Variants in AGMO observed in about 807,000 individuals in gnomAD.
The protein encoded by AGMO is alkylglycerol monooxygenase.
Under a neutral mutation model 60.2 loss-of-function variants are expected in AGMO, and 75 were observed. The ratio of observed to expected loss-of-function variants is 1.25; its 90% CI spans 1.03 to 1.51. The LOEUF is 1.51. AGMO is among the 40% of genes most tolerant of loss of function. The pLI is 0.00. For missense variants in AGMO, 763 were observed against 525.5 expected (o/e 1.45, Z -4.42); for synonymous variants, 261 against 177.1 (o/e 1.47, Z -3.76).
At chr7:15,382,438 G>A (rs1490668590) in intron 10 of AGMO, among the ~76,000 whole-genome samples, 1 of 152,150 alleles carries the variant, frequency 6.6e-6, no homozygotes, top group Non-Finnish European at 1.5e-5. Flanking sequence ...ATGACCTGAT[G>A]TTAGTTATGG....
chr7:15,535,922 A>T (rs1583660908), intron 3 of AGMO, among the ~76,000 whole-genome samples: 1 of 138,090 alleles, frequency 7.2e-6, no homozygotes, highest in South Asian at 2.1e-4. Context: ...AATCCTAGCA[A>T]TTAGGAGGCT....
At chr7:15,390,524 A>G (rs541494136) in intron 8 of AGMO, 147 bp downstream of exon 8, 5 of 514,684 alleles carry the variant, frequency 9.7e-6, no homozygotes, top group African/African-American at 2.0e-5. Flanking sequence ...CTTGTGTAAC[A>G]AAGAGTTATT....
intron 1 of AGMO, 59 bp downstream of exon 1, chr7:15,561,661 C>A: frequency 6.8e-7 from 1 of 1,478,690 alleles, no homozygotes; most frequent in South Asian, 1.4e-5. Flanking sequence ...GGAGATTGAC[C>A]TTACCATTTA....
chr7:15,393,333 T>G (rs1362863363), intron 6 of AGMO, among the ~76,000 whole-genome samples: 2 of 152,226 alleles, frequency 1.3e-5, no homozygotes, highest in Admixed American at 1.3e-4. Flanking sequence ...AGCATTTACT[T>G]ATGTATTCAT....
Position 15,229,928 on chromosome 7 carries a change from C to T in AGMO, c.1264-28569G>A, listed in dbSNP as rs887545757. On this transcript the variant is annotated intron_variant, in intron 12 of 12. Transcript: ENST00000342526. ...ATCTAATACTTTGTGATTGTGCCTC[C>T]GATTGTCATCTTGTAACTCCCAACA... 8.6e-5 allele frequency among the ~76,000 whole-genome samples: 13 copies of T among 151,318 alleles called. No homozygotes were observed. In the South Asian group the frequency reaches 1.2e-3, roughly 15 times the overall value.
the AGMO span, among the ~76,000 whole-genome samples, chr7:15,165,359 A>C: frequency 3.3e-5 from 5 of 152,164 alleles, no homozygotes; most frequent in Non-Finnish European, 5.9e-5. Flanking sequence ...ACATACCTGC[A>C]CATGTACTCC....
the AGMO span, among the ~76,000 whole-genome samples, chr7:15,193,409 C>T: frequency 6.6e-6 from 1 of 152,158 alleles, no homozygotes; most frequent in African/African-American, 2.4e-5. Flanking sequence ...ACCAAATTTA[C>T]AAGCTGTGAA....
chr7:15,386,570 C>T (rs776665324), intron 9 of AGMO, among the ~76,000 whole-genome samples: 4 of 152,206 alleles, frequency 2.6e-5, no homozygotes, highest in Admixed American at 6.5e-5. Flanking sequence ...TTATTCCTAG[C>T]GGCGTTGGTA....
chr7:15,530,688 G>A (rs1193202803), intron 3 of AGMO, among the ~76,000 whole-genome samples: 1 of 116,980 alleles, frequency 8.5e-6, no homozygotes, highest in Non-Finnish European at 1.8e-5. Context: ...TTCTATATAT[G>A]TATTTCTACA....
At chr7:15,298,914 A>C (rs1012112447) in intron 12 of AGMO, among the ~76,000 whole-genome samples, 1 of 152,090 alleles carries the variant, frequency 6.6e-6, no homozygotes, top group African/African-American at 2.4e-5. Context: ...TCTCGCTCAC[A>C]GTCAACTATT....
At chr7:15,385,853 C>T (rs1029363146) in intron 9 of AGMO, among the ~76,000 whole-genome samples, 2 of 152,084 alleles carry the variant, frequency 1.3e-5, no homozygotes, top group African/African-American at 2.4e-5. Context: ...GATATGTCCA[C>T]GATCACATCT....
chr7:15,533,972 T>A (rs1164564147), intron 3 of AGMO, among the ~76,000 whole-genome samples: 1 of 152,074 alleles, frequency 6.6e-6, no homozygotes, highest in African/African-American at 2.4e-5. Context: ...TTACCAAGAT[T>A]TGCAGATTTC....
chr7:15,402,428 ATCTT>A (rs1784575402), intron 5 of AGMO, among the ~76,000 whole-genome samples: 1 of 151,612 alleles, frequency 6.6e-6, no homozygotes, highest in Admixed American at 6.6e-5. Context: ...ATTTGGAAAG[ATCTT>A]TATAATTCAC....
In AGMO at chr7:15,404,843, C is replaced by T. The variant is rs145803707; in HGVS notation, c.610-10664G>A. 7.8e-4 allele frequency among the ~76,000 whole-genome samples: 119 copies of T among 151,960 alleles called. No individual in the cohort carries two copies. The East Asian group carries it at 0.02, about 25-fold the overall frequency. On this transcript the variant is annotated intron_variant, in intron 5 of 12. Transcript: ENST00000342526. The stretch of plus-strand genomic sequence containing the variant: ...GACTATGTGCCTGACATCATCTGAG[C>T]ATTAGATACTTTAGTAAACAAAGCA...
Position 15,387,545 on chromosome 7 carries a change from A to T in AGMO, c.823-5T>A. The stretch of plus-strand genomic sequence containing the variant: ...TATGGAAAATAAGTGATGGAACTAG[A>T]AACAATAAAAAAAGAGCTTATTTCA... On this transcript the variant is annotated splice_polypyrimidine_tract_variant and splice_region_variant and intron_variant, in intron 8 of 12. Transcript: ENST00000342526. The T allele has an allele frequency of 6.3e-7, 1 of 1,587,754 alleles. No homozygotes were observed.
At chr7:15,133,196 A>G in the AGMO span, among the ~76,000 whole-genome samples, 1 of 152,200 alleles carries the variant, frequency 6.6e-6, no homozygotes, top group South Asian at 2.1e-4. Context: ...GAGAGTGGGA[A>G]AGAGTATGCT....
chr7:15,411,755 T>G (rs983134772), intron 5 of AGMO, among the ~76,000 whole-genome samples: 2 of 152,088 alleles, frequency 1.3e-5, no homozygotes, highest in Non-Finnish European at 2.9e-5. Context: ...ACTAAACATG[T>G]TTCTCTACAA....
At chr7:15,271,989 C>T (rs1012224027) in intron 12 of AGMO, among the ~76,000 whole-genome samples, 1 of 152,024 alleles carries the variant, frequency 6.6e-6, no homozygotes, top group Non-Finnish European at 1.5e-5. Flanking sequence ...CATGGTTGTT[C>T]ATATTGTTAA....
chr7:15,441,666 G>T (rs950666209), intron 3 of AGMO, among the ~76,000 whole-genome samples: 3 of 152,102 alleles, frequency 2.0e-5, no homozygotes, highest in African/African-American at 7.2e-5. Context: ...CCTGCAGCAC[G>T]TTTGCCTGCG....
Sources: allele counts gnomAD v4.1 joint callset (sites outside exome capture counted in the v4.1 genomes callset), GRCh38; gene constraint gnomAD v4.1.1; transcripts MANE v1.5; gene names NCBI Gene and HGNC (gene_info 2026-07-23, HGNC 2026-07-21).